The following BCAP29 variants were observed in gnomAD, a reference collection of about 807,000 sequenced individuals.
BCAP29 encodes B-cell receptor-associated protein 29.
In BCAP29, 34 loss-of-function variants were observed where a neutral mutation model predicts 31.8. The ratio of observed to expected loss-of-function variants is 1.07; its 90% confidence interval spans 0.81 to 1.42. The LOEUF is 1.42. Ranked by LOEUF, BCAP29 falls within the 40% of genes most tolerant of loss-of-function variation. The probability of loss-of-function intolerance (pLI) is 0.00; values close to 1 mark genes in which losing one functional copy is unlikely to be tolerated. For synonymous variants in BCAP29, 104 were observed against 91.3 expected (o/e 1.14, Z -0.79); for missense variants, 314 against 269.2 (o/e 1.17, Z -1.16).
chr7:107,619,180 T>C lies in BCAP29; in HGVS notation c.*817T>C, dbSNP rs1166066050. 1 of 152,536 alleles carries C rather than the reference T, an allele frequency of 6.6e-6. No homozygotes were observed. Among genetic ancestry groups the C allele is most frequent in the Non-Finnish European group, 1.5e-5 (1 of 67,962 alleles). The allele number at this position is 152,536 out of a possible 1,614,324, so 9.4% of individuals were successfully genotyped here. A position where few individuals can be genotyped will look rare whatever the true frequency, so the allele number is the denominator to read the frequency against. Reference sequence around the variant, plus strand: ...TTTCTAGAAAGTGTCCAAAAAGCAGTATTTCTTTCCCTTGGTTGTGAGAGT... The same window carrying C: ...TTTCTAGAAAGTGTCCAAAAAGCAGCATTTCTTTCCCTTGGTTGTGAGAGT... On this transcript the variant is annotated 3_prime_UTR_variant, in exon 8 of 8. Coordinates refer to ENST00000005259, the MANE Select transcript of BCAP29 (RefSeq NM_018844.4).
intron 6 of BCAP29, among the ~76,000 whole-genome samples, chr7:107,611,963 C>A (rs1027573560): frequency 6.6e-6 from 1 of 152,070 alleles, no homozygotes; most frequent in Non-Finnish European, 1.5e-5. Context: ...GTATTGACAA[C>A]GCAGATGTAG....
At chr7:107,614,020 T>G (rs890241560) in intron 7 of BCAP29, among the ~76,000 whole-genome samples, 1 of 152,166 alleles carries the variant, frequency 6.6e-6, no homozygotes, top group African/African-American at 2.4e-5. Context: ...CTTTCCTCCC[T>G]CCCTTCTGCT....
In BCAP29 at chr7:107,593,953, A is replaced by T; in HGVS notation, c.194-2A>T. 6.2e-7 allele frequency: 1 copy of T among 1,603,636 alleles called. No homozygotes were observed. On this transcript the variant is annotated splice_acceptor_variant, in intron 3 of 7. Coordinates refer to ENST00000005259, the MANE Select transcript of BCAP29 (RefSeq NM_018844.4). LOFTEE classifies it high-confidence loss of function. ...GTACTGTTTTCTTTTGTTCTGTAATAGATGCTGTGAGAGAAGTAAGGAAAT... is the reference window on the plus strand; with the variant it reads ...GTACTGTTTTCTTTTGTTCTGTAATTGATGCTGTGAGAGAAGTAAGGAAAT...
intron 6 of BCAP29, 118 bp from the exon 7 acceptor site, chr7:107,613,214 A>G (rs1290531282): frequency 1.5e-6 from 1 of 648,086 alleles, no homozygotes; most frequent in African/African-American, 1.8e-5. Flanking sequence ...AATGTAGCAC[A>G]ATGTTAACAG....
intron 2 of BCAP29, among the ~76,000 whole-genome samples, chr7:107,583,370 G>A (rs1484802250): frequency 1.3e-5 from 2 of 151,994 alleles, no homozygotes; most frequent in South Asian, 2.1e-4. Flanking sequence ...CAATTTATGT[G>A]TATAATACCT....
At chr7:107,585,472 G>T (rs752049955) in intron 3 of BCAP29, among the ~76,000 whole-genome samples, 2 of 152,118 alleles carry the variant, frequency 1.3e-5, no homozygotes, top group African/African-American at 2.4e-5. Context: ...AAGGAAAACC[G>T]GTTCCAGTTC....
intron 3 of BCAP29, among the ~76,000 whole-genome samples, chr7:107,592,433 A>G (rs889837331): frequency 6.6e-6 from 1 of 152,236 alleles, no homozygotes; most frequent in Non-Finnish European, 1.5e-5. Context: ...AAATATAATA[A>G]CAAGTGTTGC....
At chr7:107,596,649 C>T (rs1337506744) in intron 5 of BCAP29, among the ~76,000 whole-genome samples, 1 of 152,150 alleles carries the variant, frequency 6.6e-6, no homozygotes, top group African/African-American at 2.4e-5. Flanking sequence ...AAATTATACA[C>T]ATCATTTTGG....
At chr7:107,580,907 T>C (rs757814932) in intron 2 of BCAP29, 43 bp downstream of exon 2, 1 of 1,433,694 alleles carries the variant, frequency 7.0e-7, no homozygotes, top group South Asian at 1.3e-5. Context: ...ATTGGATCGC[T>C]CTTAATGTAA....
chr7:107,598,262 A>C (rs1279254093), intron 5 of BCAP29, among the ~76,000 whole-genome samples: 1 of 152,214 alleles, frequency 6.6e-6, no homozygotes, highest in Admixed American at 6.5e-5. Flanking sequence ...GTTGTTTTCA[A>C]CTTGAAGTAG....
In BCAP29 at chr7:107,613,269, G is replaced by A. The variant is rs903203611; in HGVS notation, c.590-63G>A. 4 of 1,291,364 alleles carry A rather than the reference G, an allele frequency of 3.1e-6. No individual in the cohort carries two copies. In the African/African-American group the frequency reaches 4.5e-5, roughly 15 times the overall value. 80.0% of individuals were successfully genotyped at this position (1,291,364 alleles called of 1,614,324 possible). Reference sequence around the variant, plus strand: ...TACAGGAGTTCTCTATTTAAGCCTTGTAACTTTTCTATAAATTTGAAATTA... The same window carrying A: ...TACAGGAGTTCTCTATTTAAGCCTTATAACTTTTCTATAAATTTGAAATTA... On this transcript the variant is annotated intron_variant, in intron 6 of 7. Transcript: ENST00000005259.
At chr7:107,597,722 G>A (rs1810119913) in intron 5 of BCAP29, among the ~76,000 whole-genome samples, 1 of 152,148 alleles carries the variant, frequency 6.6e-6, no homozygotes, top group Non-Finnish European at 1.5e-5. Flanking sequence ...AACCTAAGCA[G>A]CCTGACTCTA....
At chr7:107,616,976 C>T (rs139386351) in intron 7 of BCAP29, among the ~76,000 whole-genome samples, 2,211 of 152,188 alleles carry the variant, frequency 0.015, 58 homozygotes, top group African/African-American at 0.051. Flanking sequence ...TGACCTCAAG[C>T]GATCCGCCCA....
chr7:107,604,100 C>T (rs10953541), intron 6 of BCAP29, among the ~76,000 whole-genome samples: 26,048 of 151,956 alleles, frequency 0.17, 2,798 homozygotes, highest in Non-Finnish European at 0.24. Flanking sequence ...ATTAGCAGCA[C>T]GCAATAGAGA....
At position 107,608,474 on chromosome 7, in the gene BCAP29, GTT is replaced by G. The variant is rs1333581205; in HGVS notation, c.590-4856_590-4855del. On this transcript the variant is annotated intron_variant, in intron 6 of 7. Coordinates refer to ENST00000005259, the MANE Select transcript of BCAP29 (RefSeq NM_018844.4). ...ATTTTGGATATTTGTTTGTTTGTTT[GTT>G]TGTTTGTTTGTTTCATTTTTGGAGC... is the stretch of plus-strand genomic sequence containing the variant. Among the ~76,000 whole-genome samples, 955 of 152,084 alleles carry G rather than the reference GTT, an allele frequency of 6.3e-3. 4 individuals carry two copies. Among genetic ancestry groups the G allele is most frequent in the Middle Eastern group, 0.01 (3 of 294 alleles).
chr7:107,615,164 T>C (rs928166973), intron 7 of BCAP29: 1 of 455,884 alleles, frequency 2.2e-6, no homozygotes, highest in Non-Finnish European at 4.4e-6. Flanking sequence ...AATGTCTCCA[T>C]TGTGGTAACA....
At position 107,583,998 on chromosome 7, in the gene BCAP29, C is replaced by T; in HGVS notation, c.193+16C>T. 1.5e-6 allele frequency: 2 copies of T among 1,329,176 alleles called. No homozygotes were observed. The highest frequency in any genetic ancestry group is 1.5e-5 in the African/African-American group (1 of 66,774). The allele number at this position is 1,329,176 out of a possible 1,614,324, so 82.3% of individuals were successfully genotyped here. On this transcript the variant is annotated intron_variant, in intron 3 of 7. Coordinates refer to ENST00000005259, the MANE Select transcript of BCAP29 (RefSeq NM_018844.4). ...CTATTTCTAGGTAAGTACTAGATCC[C>T]TTCTTTGAATAAATATAACTTTTTT...
chr7:107,602,242 A>G (rs975492850), intron 6 of BCAP29, among the ~76,000 whole-genome samples: 1 of 152,186 alleles, frequency 6.6e-6, no homozygotes, highest in South Asian at 2.1e-4. Flanking sequence ...TATTTTATGA[A>G]CATGTTTTAT....
At chr7:107,583,563 G>A (rs949894950) in intron 2 of BCAP29, among the ~76,000 whole-genome samples, 2 of 152,054 alleles carry the variant, frequency 1.3e-5, no homozygotes, top group African/African-American at 4.8e-5. Flanking sequence ...AAGATACAGA[G>A]TAGTAGCTTC....
Sources: gnomAD v4.1 joint callset for allele counts (sites outside exome capture counted in the v4.1 genomes callset) on GRCh38, gnomAD v4.1.1 for gene constraint, MANE v1.5 for transcripts, NCBI Gene and HGNC (gene_info 2026-07-23, HGNC 2026-07-21) for gene names.